OPRM1: variants seen among roughly 807,000 people sequenced by gnomAD.
OPRM1 encodes the protein opioid receptor mu 1.
Under a neutral mutation model 31.8 loss-of-function variants are expected in OPRM1, and 27 were observed. The ratio of observed to expected loss-of-function variants is 0.85; its 90% CI spans 0.63 to 1.17. OPRM1 has a LOEUF of 1.17. Among genes scored for constraint, OPRM1 ranks in the 50% most tolerant of loss-of-function variants. OPRM1 has a pLI of 0.00. For missense variants in OPRM1, 536 were observed against 511.1 expected (o/e 1.05, Z -0.47); for synonymous variants, 196 against 189.9 (o/e 1.03, Z -0.26).
chr6:154,241,155 G>T (rs1780547450), intron 3 of OPRM1, among the ~76,000 whole-genome samples: 1 of 148,930 alleles, frequency 6.7e-6, no homozygotes, highest in Non-Finnish European at 1.5e-5. Context: ...AGAATCGCTT[G>T]AACCCGGGAG....
At chr6:154,112,735 A>G (rs1341029922) in intron 3 of OPRM1, among the ~76,000 whole-genome samples, 1 of 152,216 alleles carries the variant, frequency 6.6e-6, no homozygotes, top group Non-Finnish European at 1.5e-5. Flanking sequence ...TCAACCTAGA[A>G]TATTCTTGGC....
At chr6:154,155,391 G>C (rs6932232) in intron 3 of OPRM1, 2 of 152,152 alleles carry the variant, frequency 1.3e-5, no homozygotes, top group Non-Finnish European at 2.9e-5. Flanking sequence ...ACCACAATTG[G>C]ATATCATATT....
intron 1 of OPRM1, among the ~76,000 whole-genome samples, chr6:154,059,243 A>G (rs1043635648): frequency 1.3e-5 from 2 of 152,194 alleles, no homozygotes; most frequent in African/African-American, 4.8e-5. Flanking sequence ...GACATTTTGA[A>G]TTGACCTTTT....
At chr6:154,084,096 T>A (rs1789892452) in intron 1 of OPRM1, among the ~76,000 whole-genome samples, 1 of 152,080 alleles carries the variant, frequency 6.6e-6, no homozygotes, top group African/African-American at 2.4e-5. Flanking sequence ...CTTTTTGAGG[T>A]AAACTAGCAA....
intron 1 of OPRM1, among the ~76,000 whole-genome samples, chr6:154,063,414 T>C (rs1271388596): frequency 2.6e-5 from 4 of 152,018 alleles, no homozygotes; most frequent in South Asian, 2.1e-4. Flanking sequence ...TATTAAACTT[T>C]ATTAAATTTA....
intron 3 of OPRM1, among the ~76,000 whole-genome samples, chr6:154,160,835 G>A (rs1798950893): frequency 1.3e-5 from 2 of 152,148 alleles, no homozygotes; most frequent in African/African-American, 2.4e-5. Context: ...TGGATATCCA[G>A]TTCAATATAT....
downstream of OPRM1, among the ~76,000 whole-genome samples, chr6:154,136,148 T>C (rs1483076276): frequency 1.3e-5 from 2 of 152,134 alleles, no homozygotes; most frequent in African/African-American, 4.8e-5. Context: ...TATGAATTTG[T>C]TGGGTCCTGG....
chr6:154,149,615 TGTGTGCGCGC>T (rs1373949217), intron 3 of OPRM1, among the ~76,000 whole-genome samples: 1 of 150,756 alleles, frequency 6.6e-6, no homozygotes, highest in Non-Finnish European at 1.5e-5. Flanking sequence ...TGTGTGTGTG[TGTGTGCGCGC>T]GTGTGTGTGT....
At chr6:154,104,036 C>T (rs1447749411) in intron 3 of OPRM1, among the ~76,000 whole-genome samples, 2 of 152,084 alleles carry the variant, frequency 1.3e-5, no homozygotes, top group African/African-American at 4.8e-5. Context: ...TCTGACATGT[C>T]CCCCCTCCCT....
intron 1 of OPRM1, among the ~76,000 whole-genome samples, chr6:154,040,230 A>G (rs1319515719): frequency 6.6e-6 from 1 of 151,962 alleles, no homozygotes; most frequent in African/African-American, 2.4e-5. Context: ...ATAATGGGAG[A>G]GAAATTCTAG....
At position 154,010,758 on chromosome 6, in the gene OPRM1, C is replaced by T. The variant is rs904654798; in HGVS notation, c.-261C>T. The stretch of plus-strand genomic sequence containing the variant: ...CTGCATGAATTGCCCCTTTCTCCTA[C>T]AAACAAGAGAATTCGGTCAAGTGGA... On this transcript the variant is annotated 5_prime_UTR_variant, in exon 1 of 6. Coordinates refer to the OPRM1 transcript ENST00000434900. The T allele has an allele frequency of 5.6e-6, 8 of 1,420,132 alleles. No homozygotes were observed. The African/African-American group carries it at 1.2e-4, about 20-fold the overall frequency. 88.0% of individuals were successfully genotyped at this position (1,420,132 alleles called of 1,614,324 possible). A position where few individuals can be genotyped will look rare whatever the true frequency, so the allele number is the denominator to read the frequency against.
chr6:154,045,883 A>G (rs1781015561), intron 1 of OPRM1, among the ~76,000 whole-genome samples: 1 of 152,176 alleles, frequency 6.6e-6, no homozygotes, highest in African/African-American at 2.4e-5. Context: ...GAGGTGTACA[A>G]TTCTGAGGTG....
At chr6:154,098,779 C>T (rs978070311) in intron 3 of OPRM1, among the ~76,000 whole-genome samples, 1 of 152,110 alleles carries the variant, frequency 6.6e-6, no homozygotes, top group African/African-American at 2.4e-5. Flanking sequence ...TTGGAGAGTA[C>T]ATTATGAGAA....
chr6:154,014,846 TA>T (rs1777918761), intron 1 of OPRM1, among the ~76,000 whole-genome samples: 1 of 152,102 alleles, frequency 6.6e-6, no homozygotes, highest in African/African-American at 2.4e-5. Flanking sequence ...GCATAGGGTA[TA>T]AAAAGTAAGC....
In OPRM1 at chr6:154,100,869, G is replaced by T. The variant is rs1295436638; in HGVS notation, c.1164+9397G>T. On this transcript the variant is annotated intron_variant, in intron 3 of 3. Coordinates refer to ENST00000330432, the MANE Select transcript of OPRM1 (RefSeq NM_000914.5). Reference sequence around the variant, plus strand: ...AAGGTTAAAAAATATATATTTAGGAGATTTTATAAATATAAATATATATGT... The same window carrying T: ...AAGGTTAAAAAATATATATTTAGGATATTTTATAAATATAAATATATATGT... Among the ~76,000 whole-genome samples the T allele has an allele frequency of 5.4e-5, 8 of 148,182 alleles. No homozygotes were observed. In the East Asian group the frequency reaches 1.6e-3, roughly 29 times the overall value.
Position 154,039,341 on chromosome 6 carries a change from G to C in OPRM1, c.-204G>C. The C allele has an allele frequency of 1.3e-6, 2 of 1,548,080 alleles. No homozygotes were observed. Among genetic ancestry groups the C allele is most frequent in the Non-Finnish European group, 1.7e-6 (2 of 1,144,932 alleles). Reference sequence around the variant, plus strand: ...TCTGTGAACTACTAAGGTGGGAGGGGGCTATACGCAGAGGAGAATGTCAGA... The same window carrying C: ...TCTGTGAACTACTAAGGTGGGAGGGCGCTATACGCAGAGGAGAATGTCAGA... On this transcript the variant is annotated 5_prime_UTR_variant, in exon 1 of 4. Coordinates refer to ENST00000330432, the MANE Select transcript of OPRM1 (RefSeq NM_000914.5).
intron 1 of OPRM1, among the ~76,000 whole-genome samples, chr6:154,058,533 G>GT (rs751876463): frequency 6.6e-6 from 1 of 152,128 alleles, no homozygotes; most frequent in Non-Finnish European, 1.5e-5. Context: ...AGCAATGTTA[G>GT]TACAGTCAAA....
chr6:154,041,161 C>T (rs1469039280), intron 1 of OPRM1, among the ~76,000 whole-genome samples: 2 of 152,138 alleles, frequency 1.3e-5, no homozygotes, highest in Non-Finnish European at 2.9e-5. Context: ...ATTCTTTCTA[C>T]TCATCTGTCT....
At chr6:154,032,876 C>T (rs1779089633) in intron 1 of OPRM1, among the ~76,000 whole-genome samples, 2 of 152,180 alleles carry the variant, frequency 1.3e-5, no homozygotes, top group Admixed American at 1.3e-4. Context: ...ATGCTTTGGG[C>T]ATGTTGTATT....
Sources: allele counts gnomAD v4.1 joint callset (sites outside exome capture counted in the v4.1 genomes callset), GRCh38; gene constraint gnomAD v4.1.1; transcripts MANE v1.5; gene names NCBI Gene and HGNC (gene_info 2026-07-23, HGNC 2026-07-21).